Variants in THADA observed in about 807,000 individuals in gnomAD.
THADA encodes the protein tRNA (32-2'-O)-methyltransferase regulator THADA.
In THADA, 213 loss-of-function variants were observed where a neutral mutation model predicts 219.8. The ratio of observed to expected loss-of-function variants is 0.97; its 90% CI spans 0.87 to 1.09. The LOEUF is 1.09. Ranked by LOEUF, THADA falls within the 50% of genes least tolerant of loss-of-function variation. The pLI is 0.00. For missense variants in THADA, 2,956 were observed against 2,311.3 expected (o/e 1.28, Z -5.72); for synonymous variants, 1,018 against 828.9 (o/e 1.23, Z -3.92).
At chr2:43,358,098 C>T (rs1036526652) in intron 29 of THADA, among the ~76,000 whole-genome samples, 7 of 152,150 alleles carry the variant, frequency 4.6e-5, no homozygotes, top group Non-Finnish European at 8.8e-5. Context: ...TTTCTACACA[C>T]GTCCACTTGG....
chr2:43,464,229 A>C (rs1019883154), intron 26 of THADA, among the ~76,000 whole-genome samples: 80 of 152,328 alleles, frequency 5.3e-4, no homozygotes, highest in Middle Eastern at 3.4e-3. Flanking sequence ...AACTTCTATA[A>C]TAGTAGCTTT....
chr2:43,374,482 A>T (rs891543894), intron 29 of THADA, among the ~76,000 whole-genome samples: 1 of 152,230 alleles, frequency 6.6e-6, no homozygotes, highest in African/African-American at 2.4e-5. Flanking sequence ...AATAGAAGTG[A>T]GGACTAATAG....
intron 14 of THADA, among the ~76,000 whole-genome samples, chr2:43,567,668 G>A (rs746400432): frequency 4.6e-5 from 7 of 152,120 alleles, no homozygotes; most frequent in Non-Finnish European, 5.9e-5. Flanking sequence ...CATTCAAACC[G>A]TATTGTCATT....
intron 30 of THADA, among the ~76,000 whole-genome samples, chr2:43,336,685 C>A (rs894631835): frequency 5.3e-5 from 8 of 152,112 alleles, no homozygotes; most frequent in African/African-American, 1.9e-4. Flanking sequence ...CTTGAAATAT[C>A]TGAATCAGAA....
At chr2:43,334,790 A>AC (rs1296697560) in intron 30 of THADA, among the ~76,000 whole-genome samples, 27 of 151,916 alleles carry the variant, frequency 1.8e-4, no homozygotes, top group African/African-American at 5.8e-4. Context: ...AAAAAAAAAA[A>AC]CAAAAAAAAC....
chr2:43,575,438 A>T lies in THADA; in HGVS notation c.1038-411T>A, dbSNP rs181641574. ...ACTCCAGCCTGGGTGACAAAGCGAG[A>T]CTTTGTCTCAAAAATAATAATAGTC... On this transcript the variant is annotated intron_variant, in intron 10 of 37. Coordinates refer to ENST00000405975, the MANE Select transcript of THADA (RefSeq NM_022065.5). Among the ~76,000 whole-genome samples, 109 of 152,344 alleles carry T rather than the reference A, an allele frequency of 7.2e-4. 1 individual carries two copies. Among genetic ancestry groups the T allele is most frequent in the Non-Finnish European group, 1.2e-3 (81 of 68,034 alleles).
intron 26 of THADA, 47 bp from the exon 27 acceptor site, chr2:43,430,349 T>C (rs1214537683): frequency 1.8e-6 from 2 of 1,118,966 alleles, no homozygotes; most frequent in Admixed American, 2.5e-5. Context: ...TTCCCTTTGA[T>C]CTGACAATAA....
At chr2:43,591,060 C>T (rs550873900) in intron 3 of THADA, 106 bp from the exon 4 acceptor site, 11 of 1,046,456 alleles carry the variant, frequency 1.1e-5, no homozygotes, top group African/African-American at 3.2e-5. Flanking sequence ...GTGGCTCACC[C>T]CTGTAATCCC....
chr2:43,348,119 C>T (rs1667848821), intron 29 of THADA, among the ~76,000 whole-genome samples: 1 of 152,200 alleles, frequency 6.6e-6, no homozygotes, highest in Non-Finnish European at 1.5e-5. Context: ...TTAGCCCATA[C>T]AGTACTTTTA....
chr2:43,291,957 T>C, intron 33 of THADA, 147 bp downstream of exon 33: 1 of 754,600 alleles, frequency 1.3e-6, no homozygotes, highest in Non-Finnish European at 2.1e-6. Flanking sequence ...ATCATTCTAT[T>C]GCTTGAGTTT....
intron 30 of THADA, among the ~76,000 whole-genome samples, chr2:43,332,932 C>T (rs149912048): frequency 1.0e-3 from 153 of 152,244 alleles, no homozygotes; most frequent in African/African-American, 3.6e-3. Flanking sequence ...TTTCTCGCTG[C>T]GGTATGAAGA....
intron 29 of THADA, among the ~76,000 whole-genome samples, chr2:43,361,238 G>A (rs1047267205): frequency 6.6e-6 from 1 of 152,182 alleles, no homozygotes; most frequent in Non-Finnish European, 1.5e-5. Flanking sequence ...GGTAGCCTTA[G>A]AAAATTATTT....
chr2:43,556,955 C>T (rs1178384405), intron 16 of THADA, among the ~76,000 whole-genome samples: 4 of 152,092 alleles, frequency 2.6e-5, no homozygotes, highest in Admixed American at 6.6e-5. Context: ...TAATGGTGCA[C>T]ACCTGTAGTC....
chr2:43,450,187 A>G (rs1036101388), intron 26 of THADA, among the ~76,000 whole-genome samples: 1 of 152,196 alleles, frequency 6.6e-6, no homozygotes, highest in South Asian at 2.1e-4. Context: ...CAAAAATTTA[A>G]GAGACTAGCA....
intron 36 of THADA, among the ~76,000 whole-genome samples, chr2:43,256,636 A>C (rs1342932296): frequency 6.6e-6 from 1 of 151,110 alleles, no homozygotes; most frequent in Non-Finnish European, 1.5e-5. Context: ...GTAGAGACAG[A>C]GTATGTTATG....
chr2:43,515,179 TATATATAATATATTATATATAATATATA>T (rs1558891739), intron 22 of THADA, among the ~76,000 whole-genome samples: 82 of 2,610 alleles, frequency 0.031, no homozygotes, highest in Admixed American at 0.089. Flanking sequence ...TATTATATAT[TATATATAATATATTATATATAATATATA>T]ATATATAATA....
chr2:43,473,893 GC>G (rs1685212804), intron 26 of THADA, among the ~76,000 whole-genome samples: 2 of 152,166 alleles, frequency 1.3e-5, no homozygotes, highest in African/African-American at 4.8e-5. Context: ...ACGGGTGTGA[GC>G]CACCGCGCCC....
chr2:43,534,020 T>C (rs1367041849), intron 21 of THADA, among the ~76,000 whole-genome samples: 2 of 152,150 alleles, frequency 1.3e-5, no homozygotes, highest in South Asian at 2.1e-4. Context: ...GAATATAAGA[T>C]AAATATTTAA....
At chr2:43,290,686 T>G (rs1459602999) in intron 34 of THADA, among the ~76,000 whole-genome samples, 1 of 152,166 alleles carries the variant, frequency 6.6e-6, no homozygotes, top group East Asian at 1.9e-4. Flanking sequence ...AGGTTTATTG[T>G]AAGGGCTCAG....
Sources: allele counts gnomAD v4.1 joint callset (sites outside exome capture counted in the v4.1 genomes callset), GRCh38; gene constraint gnomAD v4.1.1; transcripts MANE v1.5; gene names NCBI Gene and HGNC (gene_info 2026-07-23, HGNC 2026-07-21).